GAS2L3: variants seen among roughly 807,000 people sequenced by gnomAD.
GAS2L3 encodes the protein GAS2-like protein 3.
GAS2L3 carries 28 observed loss-of-function variants against 37.0 expected under a neutral mutation model. The observed-to-expected ratio is 0.76, with a 90% CI of 0.56 to 1.04. The LOEUF is 1.04. Ranked by LOEUF, GAS2L3 falls within the 50% of genes least tolerant of loss-of-function variation. The pLI, the probability that GAS2L3 is intolerant of heterozygous loss-of-function variation, is 0.00. For synonymous variants in GAS2L3, 290 were observed against 296.6 expected (o/e 0.98, Z 0.23); for missense variants, 793 against 817.6 (o/e 0.97, Z 0.37).
intron 8 of GAS2L3, among the ~76,000 whole-genome samples, chr12:100,620,135 T>C (rs1035168694): frequency 9.2e-5 from 14 of 152,018 alleles, no homozygotes. Flanking sequence ...AAAAGTGGCA[T>C]AAATGAAAGT....
rs938940801 is a variant in GAS2L3, at chr12:100,587,832, C to G, written c.-151-3904C>G. 2.0e-5 allele frequency among the ~76,000 whole-genome samples: 3 copies of G among 152,146 alleles called. No individual in the cohort carries two copies. The South Asian group carries it at 6.2e-4, about 31-fold the overall frequency. ...CTTTGGGAGGCTGAGGCGGGTGGAT[C>G]ACAGGGTCAGGAGATCAAGACCATC... On this transcript the variant is annotated intron_variant, in intron 1 of 9. Coordinates refer to ENST00000547754, the MANE Select transcript of GAS2L3 (RefSeq NM_174942.3).
At chr12:100,610,225 C>T (rs1956109313) in intron 5 of GAS2L3, among the ~76,000 whole-genome samples, 2 of 152,058 alleles carry the variant, frequency 1.3e-5, no homozygotes, top group African/African-American at 4.8e-5. Context: ...TTAGGAACAA[C>T]CTAAATGTTT....
intron 1 of GAS2L3, among the ~76,000 whole-genome samples, chr12:100,576,089 A>T (rs980205622): frequency 7.9e-5 from 12 of 152,184 alleles, no homozygotes. Context: ...GATATTTTGG[A>T]GTTTTGATGT....
At chr12:100,593,444 T>C (rs978939670) in intron 2 of GAS2L3, among the ~76,000 whole-genome samples, 4 of 152,170 alleles carry the variant, frequency 2.6e-5, no homozygotes, top group African/African-American at 9.6e-5. Context: ...AAATTCTTTA[T>C]TTCTTTCATA....
chr12:100,596,672 C>G (rs926097856), intron 3 of GAS2L3, among the ~76,000 whole-genome samples: 1 of 152,088 alleles, frequency 6.6e-6, no homozygotes, highest in Non-Finnish European at 1.5e-5. Flanking sequence ...TTTAATACTT[C>G]AAGATATTTC....
In GAS2L3 at chr12:100,624,077, T is replaced by G. The variant is rs562403243; in HGVS notation, c.1272T>G (p.Thr424=). 6.2e-7 allele frequency: 1 copy of G among 1,614,070 alleles called. No individual in the cohort carries two copies. Among genetic ancestry groups the G allele is most frequent in the East Asian group, 2.2e-5 (1 of 44,874 alleles). Residue 424 remains threonine, a synonymous_variant, in exon 10 of 10, where the codon ACT becomes ACG. Transcript: ENST00000547754. ...CTTCTTCACCAGCTTTACCAAGAAC[T>G]GCACCTTGTATATCTGAGTCACCGA... ...KNTSSPALPR[T]APCISESPRK...
chr12:100,610,206 G>A (rs1212752182), intron 5 of GAS2L3, among the ~76,000 whole-genome samples: 1 of 152,100 alleles, frequency 6.6e-6, no homozygotes, highest in Admixed American at 6.5e-5. Context: ...GAAAGTGATA[G>A]TACAAAAATT....
Position 100,623,928 on chromosome 12 carries a change from A to C in GAS2L3, c.1123A>C (p.Asn375His). 1 of 1,614,104 alleles carries C rather than the reference A, an allele frequency of 6.2e-7. No homozygotes were observed. ...TATGTCAGTCCGTTCTAAATTGCCA[A>C]ATTCTCCAGCAGCATCTTCTCATCC... Reference protein sequence around the residue: ...GSMSVRSKLPNSPAASSHPKL... With the variant: ...GSMSVRSKLPHSPAASSHPKL... The change falls in exon 10 of 10, where the codon AAT becomes CAT. Residue 375 changes from asparagine to histidine, a missense_variant. By Grantham distance (68) the Asn-to-His change is moderately conservative. Coordinates refer to ENST00000547754, the MANE Select transcript of GAS2L3 (RefSeq NM_174942.3).
intron 1 of GAS2L3, among the ~76,000 whole-genome samples, chr12:100,589,895 T>C (rs988823079): frequency 6.6e-6 from 1 of 152,130 alleles, no homozygotes; most frequent in Admixed American, 6.6e-5. Flanking sequence ...ATCTCTCACC[T>C]TACACAAAAA....
intron 8 of GAS2L3, among the ~76,000 whole-genome samples, chr12:100,620,628 T>C (rs1956241309): frequency 6.6e-6 from 1 of 152,088 alleles, no homozygotes; most frequent in Admixed American, 6.6e-5. Flanking sequence ...GTGTGCTATA[T>C]GAATACATTC....
Position 100,624,553 on chromosome 12 carries a change from T to A in GAS2L3, c.1748T>A (p.Ile583Lys). ...KATQKSKDKNIVSATKKQPQN... is the reference protein window; with the variant it reads ...KATQKSKDKNKVSATKKQPQN... ...ACACAGAAATCAAAAGATAAGAATA[T>A]AGTTTCAGCTACCAAAAAGCAGCCT... The change falls in exon 10 of 10, where the codon ATA becomes AAA. Residue 583 changes from isoleucine to lysine, a missense_variant. Coordinates refer to ENST00000547754, the MANE Select transcript of GAS2L3 (RefSeq NM_174942.3). The A allele has an allele frequency of 6.2e-7, 1 of 1,613,980 alleles. No homozygotes were observed. Among genetic ancestry groups the A allele is most frequent in the Non-Finnish European group, 8.5e-7 (1 of 1,180,004 alleles).
chr12:100,602,514 G>A (rs957274653), intron 5 of GAS2L3, among the ~76,000 whole-genome samples: 2 of 151,148 alleles, frequency 1.3e-5, no homozygotes, highest in African/African-American at 4.9e-5. Context: ...ATATTTTGTG[G>A]GTACATACTA....
rs1956346132 is a variant in GAS2L3, at chr12:100,627,773, A to G, written c.*2883A>G. 1 of 152,184 alleles carries G rather than the reference A, an allele frequency of 6.6e-6. No homozygotes were observed. The highest frequency in any genetic ancestry group is 1.5e-5 in the Non-Finnish European group (1 of 68,026). 9.4% of individuals were successfully genotyped at this position (152,184 alleles called of 1,614,324 possible). On this transcript the variant is annotated 3_prime_UTR_variant, in exon 10 of 10. Coordinates refer to ENST00000547754, the MANE Select transcript of GAS2L3 (RefSeq NM_174942.3). Reference sequence around the variant, plus strand: ...TTTTGTAAATTCTTTTTTGTGTTTAATGTTTAATAAAACGAGTATTAAGCT... The same window carrying G: ...TTTTGTAAATTCTTTTTTGTGTTTAGTGTTTAATAAAACGAGTATTAAGCT...
At position 100,616,032 on chromosome 12, in the gene GAS2L3, T is replaced by C. The variant is rs1593185808; in HGVS notation, c.446-1712T>C. Among the ~76,000 whole-genome samples, 7 of 152,320 alleles carry C rather than the reference T, an allele frequency of 4.6e-5. No homozygotes were observed. In the South Asian group the frequency reaches 1.5e-3, roughly 32 times the overall value. On this transcript the variant is annotated intron_variant, in intron 6 of 9. Coordinates refer to ENST00000547754, the MANE Select transcript of GAS2L3 (RefSeq NM_174942.3). ...CATTTCTGGAAAAAAAAAGGGGTGTTGTAATTTTGATAAGGATTACACTGA... is the reference window on the plus strand; with the variant it reads ...CATTTCTGGAAAAAAAAAGGGGTGTCGTAATTTTGATAAGGATTACACTGA...
chr12:100,624,611 C>T lies in GAS2L3; in HGVS notation c.1806C>T (p.Pro602=). The T allele has an allele frequency of 6.2e-7, 1 of 1,614,050 alleles. No individual in the cohort carries two copies. Among genetic ancestry groups the T allele is most frequent in the South Asian group, 1.1e-5 (1 of 91,080 alleles). ...AAAGTGCATTTCAGAAGACAGGACC[C>T]AGCTCCTTGAAGTCTCCTGGCCGTA... The part of the protein sequence containing the change: ...QNKSAFQKTG[P]SSLKSPGRTP... Residue 602 remains proline, a synonymous_variant, in exon 10 of 10, where the codon CCC becomes CCT. Coordinates refer to ENST00000547754, the MANE Select transcript of GAS2L3 (RefSeq NM_174942.3).
At chr12:100,592,304 C>T (rs1565801012) in intron 2 of GAS2L3, 1 of 152,194 alleles carries the variant, frequency 6.6e-6, no homozygotes, top group South Asian at 2.1e-4. Context: ...TAATGTTATT[C>T]TTTTTCCTGA....
At chr12:100,604,041 C>T (rs933262191) in intron 5 of GAS2L3, among the ~76,000 whole-genome samples, 2 of 151,586 alleles carry the variant, frequency 1.3e-5, no homozygotes, top group African/African-American at 4.8e-5. Flanking sequence ...GGTAATTCCT[C>T]CAATTTTGTT....
intron 9 of GAS2L3, among the ~76,000 whole-genome samples, chr12:100,622,614 T>C (rs891632425): frequency 1.3e-5 from 2 of 151,258 alleles, no homozygotes; most frequent in East Asian, 1.9e-4. Context: ...CTAAGATTAT[T>C]TAGGCAGTGA....
Position 100,579,633 on chromosome 12 carries a change from G to A in GAS2L3, c.-152+5848G>A, listed in dbSNP as rs1955684412. ...TTTAGAACACAAGAATGTTAGAAAT[G>A]TCTTAGTTCAAGGACATATTTTTCT... On this transcript the variant is annotated intron_variant, in intron 1 of 9. Coordinates refer to ENST00000547754, the MANE Select transcript of GAS2L3 (RefSeq NM_174942.3). 45 of 776,462 alleles carry A rather than the reference G, an allele frequency of 5.8e-5. No homozygotes were observed. In the South Asian group the frequency reaches 5.9e-4, roughly 10 times the overall value. The allele number at this position is 776,462 out of a possible 1,614,324, so 48.1% of individuals were successfully genotyped here.
Sources: allele counts gnomAD v4.1 joint callset (sites outside exome capture counted in the v4.1 genomes callset), GRCh38; gene constraint gnomAD v4.1.1; transcripts MANE v1.5; gene names NCBI Gene and HGNC (gene_info 2026-07-23, HGNC 2026-07-21).